The following FAM118B variants were observed in gnomAD, a reference collection of about 807,000 sequenced individuals.
The protein encoded by FAM118B is SIR2 antiphage like 1.
In FAM118B, 24 loss-of-function variants were observed where a neutral mutation model predicts 38.5. That is an observed-to-expected ratio of 0.62 (90% CI 0.45 to 0.88). The LOEUF is 0.88. FAM118B is among the 40% of genes least tolerant of loss of function. FAM118B has a pLI of 0.00. For missense variants in FAM118B, 334 were observed against 420.0 expected, an observed-to-expected ratio of 0.80 and a Z score of 1.79; for synonymous variants, 138 against 156.3, an observed-to-expected ratio of 0.88 and a Z score of 0.87.
At chr11:126,259,592 A>G (rs921700514) in intron 7 of FAM118B, among the ~76,000 whole-genome samples, 5 of 150,734 alleles carry the variant, frequency 3.3e-5, no homozygotes, top group Non-Finnish European at 7.4e-5. Flanking sequence ...TGCCCGGCTA[A>G]TTTTTTGTAT....
chr11:126,227,943 G>T (rs1214844085), intron 1 of FAM118B, among the ~76,000 whole-genome samples: 3 of 151,818 alleles, frequency 2.0e-5, no homozygotes, highest in Admixed American at 2.0e-4. Context: ...GGAACTATAG[G>T]CATGCACTAC....
chr11:126,223,582 C>CG (rs1278392640), intron 1 of FAM118B, among the ~76,000 whole-genome samples: 7 of 101,980 alleles, frequency 6.9e-5, no homozygotes, highest in African/African-American at 2.0e-4. Context: ...GGCGAAAGAG[C>CG]GAAAAAAAAA....
chr11:126,248,229 T>C (rs1950443797), intron 4 of FAM118B, among the ~76,000 whole-genome samples: 1 of 151,592 alleles, frequency 6.6e-6, no homozygotes, highest in Non-Finnish European at 1.5e-5. Flanking sequence ...TGTTTGAAAT[T>C]GTATTTGTAG....
At position 126,244,241 on chromosome 11, in the gene FAM118B, C is replaced by T. The variant is rs766413551; in HGVS notation, c.339+3197C>T. On this transcript the variant is annotated intron_variant, in intron 4 of 8. Coordinates refer to ENST00000533050, the MANE Select transcript of FAM118B (RefSeq NM_024556.4). The surrounding 1 kb of genome is among the most constrained non-coding windows in gnomAD (Gnocchi z 4.5). ...CAACATGGTGCTGGATGTTCTAGACCGGGCAGTTAAGCAAGAAAACTAAAG... is the reference window on the plus strand; with the variant it reads ...CAACATGGTGCTGGATGTTCTAGACTGGGCAGTTAAGCAAGAAAACTAAAG... Among the ~76,000 whole-genome samples, 6 of 152,046 alleles carry T rather than the reference C, an allele frequency of 3.9e-5. No homozygotes were observed. The highest frequency in any genetic ancestry group is 7.4e-5 in the Non-Finnish European group (5 of 68,012).
At chr11:126,248,202 A>AT (rs1491182098) in intron 4 of FAM118B, among the ~76,000 whole-genome samples, 3 of 151,244 alleles carry the variant, frequency 2.0e-5, no homozygotes, top group African/African-American at 7.3e-5. Flanking sequence ...TGATAACCTC[A>AT]TATGTGTCAT....
At chr11:126,257,485 G>A (rs545244996) in intron 7 of FAM118B, among the ~76,000 whole-genome samples, 109 of 151,766 alleles carry the variant, frequency 7.2e-4, no homozygotes, top group South Asian at 1.2e-3. Flanking sequence ...GAAATACAAT[G>A]AAACCATAGA....
chr11:126,215,694 C>G (rs549163319), intron 1 of FAM118B, among the ~76,000 whole-genome samples: 79 of 63,838 alleles, frequency 1.2e-3, no homozygotes, highest in African/African-American at 3.9e-3. Context: ...GAGACTCCGT[C>G]TCAAAAAAAA....
chr11:126,215,989 G>T (rs1016563226), intron 1 of FAM118B, among the ~76,000 whole-genome samples: 3 of 151,800 alleles, frequency 2.0e-5, no homozygotes, highest in Non-Finnish European at 4.4e-5. Context: ...ACTCCAGCCT[G>T]GGTGACAGAG....
At chr11:126,261,381 T>G (rs534745682) in intron 7 of FAM118B, 44 bp from the exon 8 acceptor site, 167 of 1,562,276 alleles carry the variant, frequency 1.1e-4, no homozygotes, top group Non-Finnish European at 1.4e-4. Context: ...ATTAATAGTT[T>G]TAGCTTTTCA....
chr11:126,231,651 A>G (rs1273460866), intron 2 of FAM118B, among the ~76,000 whole-genome samples: 1 of 152,234 alleles, frequency 6.6e-6, no homozygotes, highest in African/African-American at 2.4e-5. Flanking sequence ...GCGATTGGCT[A>G]TATTTAATTT....
intron 1 of FAM118B, among the ~76,000 whole-genome samples, chr11:126,223,735 C>G (rs1950100440): frequency 6.6e-6 from 1 of 152,078 alleles, no homozygotes; most frequent in Non-Finnish European, 1.5e-5. Context: ...ATAGTTCTTC[C>G]CCTAAGAATC....
chr11:126,225,592 T>A (rs1387872487), intron 1 of FAM118B, among the ~76,000 whole-genome samples: 1 of 152,216 alleles, frequency 6.6e-6, no homozygotes, highest in East Asian at 1.9e-4. Context: ...CTTTTGTAGT[T>A]TCTTAAGCTT....
At chr11:126,218,574 C>T (rs1364548055) in intron 1 of FAM118B, among the ~76,000 whole-genome samples, 1 of 152,092 alleles carries the variant, frequency 6.6e-6, no homozygotes, top group Non-Finnish European at 1.5e-5. Context: ...TGAAACAGTG[C>T]CTGGCGATGA....
intron 7 of FAM118B, among the ~76,000 whole-genome samples, chr11:126,259,559 G>A (rs1950640833): frequency 6.6e-6 from 1 of 151,578 alleles, no homozygotes; most frequent in Non-Finnish European, 1.5e-5. Context: ...CTGAGTGGCT[G>A]GAACTATAGG....
At chr11:126,225,178 T>G (rs559519858) in intron 1 of FAM118B, among the ~76,000 whole-genome samples, 19 of 152,334 alleles carry the variant, frequency 1.2e-4, no homozygotes, top group African/African-American at 4.6e-4. Flanking sequence ...TAGGGAGAAC[T>G]GCCTTTTAAG....
At chr11:126,216,362 C>T (rs564898668) in intron 1 of FAM118B, among the ~76,000 whole-genome samples, 34 of 151,960 alleles carry the variant, frequency 2.2e-4, no homozygotes, top group African/African-American at 7.0e-4. Flanking sequence ...GGTGACAGAG[C>T]GAGACTCTGT....
At chr11:126,223,720 C>T (rs1226507887) in intron 1 of FAM118B, among the ~76,000 whole-genome samples, 3 of 152,034 alleles carry the variant, frequency 2.0e-5, no homozygotes, top group Non-Finnish European at 4.4e-5. Flanking sequence ...AATCATTTGC[C>T]AGAAATAGTT....
chr11:126,245,474 CTAGA>C (rs991663150), intron 4 of FAM118B, among the ~76,000 whole-genome samples: 4 of 152,010 alleles, frequency 2.6e-5, no homozygotes, highest in African/African-American at 9.7e-5. Flanking sequence ...CAGAAGAAAA[CTAGA>C]TAAATTGGAC....
chr11:126,244,658 G>C lies in FAM118B; in HGVS notation c.339+3614G>C, dbSNP rs1336850051. On this transcript the variant is annotated intron_variant, in intron 4 of 8. Transcript: ENST00000533050. The surrounding 1 kb of genome is among the most constrained non-coding windows in gnomAD (Gnocchi z 4.5). Reference sequence around the variant, plus strand: ...GTCTCTACTAAAAATACAAAAATTAGCTGAGCATGATGGCGGGTGCCTATA... The same window carrying C: ...GTCTCTACTAAAAATACAAAAATTACCTGAGCATGATGGCGGGTGCCTATA... 6.6e-6 allele frequency among the ~76,000 whole-genome samples: 1 copy of C among 152,092 alleles called. No individual in the cohort carries two copies. The highest frequency in any genetic ancestry group is 1.5e-5 in the Non-Finnish European group (1 of 68,020).
Sources: allele counts gnomAD v4.1 joint callset (sites outside exome capture counted in the v4.1 genomes callset), GRCh38; gene constraint gnomAD v4.1.1; non-coding constraint Gnocchi (gnomAD v3.1); transcripts MANE v1.5; gene names NCBI Gene and HGNC (gene_info 2026-07-23, HGNC 2026-07-21).